The following APBB2 variants were observed in gnomAD, a reference collection of about 807,000 sequenced individuals.
APBB2 encodes the protein amyloid beta precursor protein binding family B member 2, also known as Fe65-like 1.
A neutral mutation model predicts 82.5 loss-of-function variants in APBB2; 38 were observed. The observed-to-expected ratio is 0.46, with a 90% CI of 0.36 to 0.60. The LOEUF (loss-of-function observed/expected upper bound fraction) is 0.60. Ranked by LOEUF, APBB2 falls within the 20% of genes least tolerant of loss-of-function variation. APBB2 has a pLI of 0.00. For synonymous variants in APBB2, 341 were observed against 368.2 expected, an observed-to-expected ratio of 0.93 and a Z score of 0.85; for missense variants, 772 against 972.3, an observed-to-expected ratio of 0.79 and a Z score of 2.74.
At chr4:41,059,518 G>T (rs146464094) in intron 4 of APBB2, among the ~76,000 whole-genome samples, 10 of 152,260 alleles carry the variant, frequency 6.6e-5, no homozygotes, top group Non-Finnish European at 1.2e-4. Flanking sequence ...GTGGGTTTAC[G>T]CGAATGAGGG....
At chr4:41,055,472 G>C (rs1445641636) in intron 4 of APBB2, among the ~76,000 whole-genome samples, 1 of 152,150 alleles carries the variant, frequency 6.6e-6, no homozygotes, top group East Asian at 1.9e-4. Context: ...CTGGTTCCAG[G>C]ACTTGCCTGA....
rs1728567599 is a variant in APBB2, at chr4:41,058,353, ATTTC to A, written c.-51+7219_-51+7222del. ...ACTTAATTTGGACTATTGAAATTTC[ATTTC>A]TTTCTTCAGTGAAAGATAAATACAT... On this transcript the variant is annotated intron_variant, in intron 4 of 17. Transcript: ENST00000508593. Among the ~76,000 whole-genome samples, 2 of 152,168 alleles carry A rather than the reference ATTTC, an allele frequency of 1.3e-5. 1 individual carries two copies. Among genetic ancestry groups the A allele is most frequent in the Non-Finnish European group, 2.9e-5 (2 of 68,018 alleles).
chr4:41,020,627 C>A (rs1220144504), intron 5 of APBB2, among the ~76,000 whole-genome samples: 1 of 152,162 alleles, frequency 6.6e-6, no homozygotes, highest in Non-Finnish European at 1.5e-5. Context: ...AAGGTAATCC[C>A]AAATTTATTA....
intron 12 of APBB2, among the ~76,000 whole-genome samples, chr4:40,887,252 T>G (rs1770589190): frequency 6.6e-6 from 1 of 152,200 alleles, no homozygotes; most frequent in African/African-American, 2.4e-5. Flanking sequence ...TAAGAAAATG[T>G]CACATCCAAA....
chr4:41,208,564 T>C (rs1778543724), intron 1 of APBB2, among the ~76,000 whole-genome samples: 1 of 152,166 alleles, frequency 6.6e-6, no homozygotes, highest in African/African-American at 2.4e-5. Context: ...TCCCGGTTTC[T>C]GCATTCTTTT....
At chr4:41,119,690 C>T (rs547140384) in intron 2 of APBB2, among the ~76,000 whole-genome samples, 1 of 152,172 alleles carries the variant, frequency 6.6e-6, no homozygotes, top group African/African-American at 2.4e-5. Flanking sequence ...GGAGCTCAGC[C>T]TTTCACATAC....
chr4:41,021,527 T>C lies in APBB2; in HGVS notation c.20-7129A>G, dbSNP rs144651781. On this transcript the variant is annotated intron_variant, in intron 5 of 17. Transcript: ENST00000508593. ...CAGCACTCTATGTCTTGCTAAAGGA[T>C]TGTAAACACACCAATCAGCACTCTG... is the stretch of plus-strand genomic sequence containing the variant. 4.7e-3 allele frequency among the ~76,000 whole-genome samples: 716 copies of C among 152,280 alleles called. 5 individuals carry two copies. The highest frequency in any genetic ancestry group is 0.016 in the African/African-American group (656 of 41,564).
At chr4:40,930,252 T>A (rs1356706796) in intron 10 of APBB2, among the ~76,000 whole-genome samples, 1 of 152,208 alleles carries the variant, frequency 6.6e-6, no homozygotes, top group East Asian at 1.9e-4. Context: ...TATTTGCAAC[T>A]TTTCTACAAA....
intron 1 of APBB2, among the ~76,000 whole-genome samples, chr4:41,169,037 T>G (rs2154051668): frequency 6.6e-6 from 1 of 151,890 alleles, no homozygotes; most frequent in Non-Finnish European, 1.5e-5. Flanking sequence ...ATACAAAAAT[T>G]AGCTGGGCAT....
intron 1 of APBB2, among the ~76,000 whole-genome samples, chr4:41,156,452 T>C (rs963798410): frequency 1.3e-5 from 2 of 152,236 alleles, no homozygotes; most frequent in African/African-American, 2.4e-5. Context: ...CGAGTATCGA[T>C]AGCCAGTCCA....
rs9993307 is a variant in APBB2 at position 41,160,038 on chromosome 4, A to G, written c.-416-16896T>C. 4.8e-3 allele frequency among the ~76,000 whole-genome samples: 596 copies of G among 123,036 alleles called. 8 individuals are homozygous for G. Among genetic ancestry groups the G allele is most frequent in the African/African-American group, 0.018 (520 of 28,928 alleles). The allele number at this position is 123,036 out of a possible 152,430, so 80.7% of individuals were successfully genotyped here. A position where few individuals can be genotyped will look rare whatever the true frequency, so the allele number is the denominator to read the frequency against. ...AGAAGAAGAAGAAGAAGAAGAAGAA[A>G]ACATCACAGGATGCTGTTTTGCGGA... On this transcript the variant is annotated intron_variant, in intron 1 of 17. Coordinates refer to ENST00000508593, the MANE Select transcript of APBB2 (RefSeq NM_004307.2).
intron 5 of APBB2, among the ~76,000 whole-genome samples, chr4:41,019,818 G>A (rs1368524938): frequency 6.6e-6 from 1 of 152,048 alleles, no homozygotes; most frequent in African/African-American, 2.4e-5. Context: ...GGAAGGAGAG[G>A]GGAGAACAGC....
intron 6 of APBB2, among the ~76,000 whole-genome samples, chr4:40,955,901 G>A (rs1480260593): frequency 1.3e-5 from 2 of 151,822 alleles, no homozygotes; most frequent in African/African-American, 2.4e-5. Flanking sequence ...TCAGCCTCTC[G>A]AGTAGCTGGG....
At chr4:40,924,239 T>C (rs960470535) in intron 10 of APBB2, among the ~76,000 whole-genome samples, 1 of 152,226 alleles carries the variant, frequency 6.6e-6, no homozygotes, top group African/African-American at 2.4e-5. Context: ...GATATATCCA[T>C]CACTGGCTCT....
chr4:41,148,967 C>T (rs1014835875), intron 1 of APBB2, among the ~76,000 whole-genome samples: 2 of 152,092 alleles, frequency 1.3e-5, no homozygotes, highest in Non-Finnish European at 2.9e-5. Context: ...TTTATTTTAA[C>T]CAAAGTATCC....
chr4:41,083,491 C>T (rs191837388), intron 3 of APBB2, among the ~76,000 whole-genome samples: 22 of 151,880 alleles, frequency 1.4e-4, no homozygotes, highest in African/African-American at 5.1e-4. Context: ...GAGATCAAGA[C>T]CATCCTGGCC....
rs139742680 is a variant in APBB2 at position 41,065,906 on chromosome 4, G to C, written c.-148-233C>G. Among the ~76,000 whole-genome samples the C allele has an allele frequency of 4.9e-3, 745 of 152,206 alleles. 8 individuals are homozygous for C. Among genetic ancestry groups the C allele is most frequent in the African/African-American group, 0.017 (718 of 41,528 alleles). On this transcript the variant is annotated intron_variant, in intron 3 of 17. Coordinates refer to ENST00000508593, the MANE Select transcript of APBB2 (RefSeq NM_004307.2). The stretch of plus-strand genomic sequence containing the variant: ...GCCCTGCAATAAGTGTGACAGAGGT[G>C]CAGGTCACTGGAAGGCTTGACCAGG...
At chr4:41,081,621 A>G (rs1305511990) in intron 3 of APBB2, among the ~76,000 whole-genome samples, 1 of 152,190 alleles carries the variant, frequency 6.6e-6, no homozygotes, top group East Asian at 1.9e-4. Flanking sequence ...ATCTCAACAA[A>G]GCTTTAAGAC....
At chr4:41,072,924 G>T (rs967485257) in intron 3 of APBB2, among the ~76,000 whole-genome samples, 13 of 152,296 alleles carry the variant, frequency 8.5e-5, no homozygotes, top group African/African-American at 3.1e-4. Flanking sequence ...CTGTAAAATG[G>T]GCTAAGGATA....
Sources: allele counts gnomAD v4.1 joint callset (sites outside exome capture counted in the v4.1 genomes callset), GRCh38; gene constraint gnomAD v4.1.1; transcripts MANE v1.5; gene names NCBI Gene and HGNC (gene_info 2026-07-23, HGNC 2026-07-21).